The following TBC1D32 variants were observed in gnomAD, a reference collection of about 807,000 sequenced individuals.
TBC1D32 encodes protein broad-minded.
Under a neutral mutation model 170.3 loss-of-function variants are expected in TBC1D32, and 151 were observed. The ratio of observed to expected loss-of-function variants is 0.89; its 90% CI spans 0.78 to 1.01. The LOEUF is 1.01. TBC1D32 is among the 50% of genes least tolerant of loss of function. The pLI is 0.00. For missense variants in TBC1D32, 1,464 were observed against 1,457.1 expected (o/e 1.00, Z -0.08); for synonymous variants, 498 against 488.0 (o/e 1.02, Z -0.27).
Position 121,281,611 on chromosome 6 carries a change from C to G in TBC1D32, c.1541G>C (p.Cys514Ser). 6.2e-7 allele frequency: 1 copy of G among 1,607,300 alleles called. No homozygotes were observed. Among genetic ancestry groups the G allele is most frequent in the African/African-American group, 1.3e-5 (1 of 74,722 alleles). Residue 514 changes from cysteine to serine, a missense_variant, in exon 14 of 32, where the codon TGC (cysteine) becomes TCC (serine). Physicochemically the swap from Cys to Ser is moderately radical, Grantham distance 112. Transcript: ENST00000398212. ...LSDQKECAVE[C>S]LYNNIVIETL... Reference sequence around the variant, plus strand: ...CTCTATTACAATGTTGTTATATAAGCATTCCACTGCACATTCTTTTTGATC... The same window carrying G: ...CTCTATTACAATGTTGTTATATAAGGATTCCACTGCACATTCTTTTTGATC...
intron 27 of TBC1D32, 49 bp from the exon 28 acceptor site, chr6:121,113,226 A>G (rs764351875): frequency 1.6e-6 from 2 of 1,249,410 alleles, no homozygotes; most frequent in Admixed American, 4.4e-5. Context: ...CTTGCATTGA[A>G]TGTTTTAAAA....
chr6:121,287,129 C>A (rs556690768), intron 12 of TBC1D32, among the ~76,000 whole-genome samples: 1 of 152,250 alleles, frequency 6.6e-6, no homozygotes, highest in South Asian at 2.1e-4. Flanking sequence ...ATCATAATGA[C>A]AGGATCAAAT....
At chr6:121,238,627 C>A (rs1796595655) in intron 20 of TBC1D32, among the ~76,000 whole-genome samples, 1 of 152,116 alleles carries the variant, frequency 6.6e-6, no homozygotes, top group African/African-American at 2.4e-5. Flanking sequence ...TGTGACCTCA[C>A]TCTAAATGAT....
At chr6:121,197,105 T>A (rs1480796897) in intron 22 of TBC1D32, among the ~76,000 whole-genome samples, 1 of 152,208 alleles carries the variant, frequency 6.6e-6, no homozygotes, top group Non-Finnish European at 1.5e-5. Flanking sequence ...AGAAGGGAGT[T>A]ACAGTGTTCA....
intron 25 of TBC1D32, among the ~76,000 whole-genome samples, chr6:121,126,679 C>T (rs1341550257): frequency 1.3e-5 from 2 of 151,728 alleles, no homozygotes; most frequent in Non-Finnish European, 2.9e-5. Flanking sequence ...CAATATAAAA[C>T]TGAAAAAGGA....
Position 121,256,181 on chromosome 6 carries a change from A to C in TBC1D32, c.1838T>G (p.Phe613Cys). 2 of 1,614,044 alleles carry C rather than the reference A, an allele frequency of 1.2e-6. No individual in the cohort carries two copies. Among genetic ancestry groups the C allele is most frequent in the Non-Finnish European group, 1.7e-6 (2 of 1,179,950 alleles). ...SEMLPVVKGA[F>C]ISVCRHIYST... ...ATATATGTGACGACACACAGAAATA[A>C]AAGCTCCTTTAACCACAGGCAACAT... Residue 613 changes from phenylalanine to cysteine, a missense_variant, in exon 16 of 32, where the codon TTT (phenylalanine) becomes TGT (cysteine). Coordinates refer to ENST00000398212, the MANE Select transcript of TBC1D32 (RefSeq NM_152730.6).
At chr6:121,204,111 T>C (rs1791930728) in intron 22 of TBC1D32, among the ~76,000 whole-genome samples, 1 of 151,238 alleles carries the variant, frequency 6.6e-6, no homozygotes, top group South Asian at 2.1e-4. Context: ...CTGTAGTTTT[T>C]CCTAGTTTCC....
intron 3 of TBC1D32, among the ~76,000 whole-genome samples, chr6:121,313,274 AT>A (rs1164149264): frequency 0.066 from 8,304 of 125,468 alleles, 294 homozygotes; most frequent in African/African-American, 0.11. Context: ...CCTGGCCTTA[AT>A]TTTTTTTTTT....
In TBC1D32 at chr6:121,131,617, A is replaced by C; in HGVS notation, c.2899+10T>G. 1.2e-6 allele frequency: 2 copies of C among 1,600,176 alleles called. No homozygotes were observed. Among genetic ancestry groups the C allele is most frequent in the African/African-American group, 1.3e-5 (1 of 74,706 alleles). The stretch of plus-strand genomic sequence containing the variant: ...CATAAGAAAACCCACAATGGAAACA[A>C]TGTACTTACCCTCTCCACTGATTAT... On this transcript the variant is annotated intron_variant, in intron 25 of 31. Coordinates refer to ENST00000398212, the MANE Select transcript of TBC1D32 (RefSeq NM_152730.6).
At chr6:121,288,179 A>T (rs1184569548) in intron 12 of TBC1D32, among the ~76,000 whole-genome samples, 2 of 152,238 alleles carry the variant, frequency 1.3e-5, no homozygotes, top group African/African-American at 4.8e-5. Flanking sequence ...AAATAAAGAC[A>T]CAAAAAACTC....
intron 15 of TBC1D32, among the ~76,000 whole-genome samples, chr6:121,275,798 G>A (rs1802127038): frequency 6.6e-6 from 1 of 152,058 alleles, no homozygotes; most frequent in Non-Finnish European, 1.5e-5. Context: ...TAAAGCATTT[G>A]ATAACCCATA....
At position 121,223,279 on chromosome 6, in the gene TBC1D32, T is replaced by C. The variant is rs1794718314; in HGVS notation, c.2438A>G (p.Asn813Ser). Residue 813 changes from asparagine (N) to serine (S), a missense_variant, in exon 21 of 32, where the codon AAT becomes AGT. Transcript: ENST00000398212. Reference sequence around the variant, plus strand: ...TTCACGAAGAGAATATTCTGTTTTATTAGGAAGATCTTGATTCCTTACAAG... The same window carrying C: ...TTCACGAAGAGAATATTCTGTTTTACTAGGAAGATCTTGATTCCTTACAAG... The part of the protein sequence containing the change: ...YELVRNQDLP[N>S]KTEYSLREVP... 7.5e-6 allele frequency: 12 copies of C among 1,592,874 alleles called. No individual in the cohort carries two copies. The highest frequency in any genetic ancestry group is 9.4e-6 in the Non-Finnish European group (11 of 1,172,964).
At position 121,255,364 on chromosome 6, in the gene TBC1D32, T is replaced by A. The variant is rs753329266; in HGVS notation, c.1982A>T (p.Asp661Val). 63 of 1,553,406 alleles carry A rather than the reference T, an allele frequency of 4.1e-5. 2 individuals carry two copies. The Admixed American group carries it at 1.1e-3, about 26-fold the overall frequency. ...ERIPTPVEGS[D>V]SVSSVSQESQ... ...TTCCTGGCTTACTGAAGAAACAGAA[T>A]CAGAACCCTCTACTGGAGTAGGAAT... Residue 661 changes from aspartate to valine, a missense_variant, in exon 17 of 32, where the codon GAT becomes GTT. Asp to Val is a radical substitution (Grantham distance 152). Transcript: ENST00000398212.
At chr6:121,176,506 C>T (rs1787778552) in intron 22 of TBC1D32, among the ~76,000 whole-genome samples, 1 of 152,120 alleles carries the variant, frequency 6.6e-6, no homozygotes, top group Non-Finnish European at 1.5e-5. Context: ...TGGACAATTC[C>T]ACACCATGTT....
At chr6:121,299,866 T>A (rs551175327) in intron 9 of TBC1D32, among the ~76,000 whole-genome samples, 16 of 152,044 alleles carry the variant, frequency 1.1e-4, no homozygotes, top group Admixed American at 2.6e-4. Flanking sequence ...AAAGCACAAC[T>A]CTTATACTGA....
intron 24 of TBC1D32, among the ~76,000 whole-genome samples, chr6:121,156,704 T>A (rs1295286606): frequency 1.3e-5 from 2 of 148,750 alleles, no homozygotes; most frequent in African/African-American, 4.9e-5. Flanking sequence ...AAGATGTTAG[T>A]AAGTTGCATC....
At chr6:121,113,216 C>A in intron 27 of TBC1D32, 39 bp from the exon 28 acceptor site, 2 of 1,360,604 alleles carry the variant, frequency 1.5e-6, no homozygotes, top group Non-Finnish European at 2.1e-6. Flanking sequence ...CATATCAGGT[C>A]TTGCATTGAA....
Position 121,113,075 on chromosome 6 carries a change from T to C in TBC1D32, c.3156A>G (p.Ile1052Met). ...ERFLKQQQTS[I>M]KSSLLCLQGN... ...CAAAAAGGATATGAAGAGAAGATTT[T>C]ATGGAAGTTTGCTGCTGTTTCAGGA... Residue 1052 changes from isoleucine (I) to methionine (M), a missense_variant, in exon 28 of 32, where the codon ATA (isoleucine) becomes ATG (methionine). Coordinates refer to ENST00000398212, the MANE Select transcript of TBC1D32 (RefSeq NM_152730.6). 6.2e-7 allele frequency: 1 copy of C among 1,607,592 alleles called. No individual in the cohort carries two copies. Among genetic ancestry groups the C allele is most frequent in the Non-Finnish European group, 8.5e-7 (1 of 1,177,802 alleles).
chr6:121,147,918 C>CT (rs35019014), intron 24 of TBC1D32, among the ~76,000 whole-genome samples: 8,996 of 136,666 alleles, frequency 0.066, 482 homozygotes, highest in East Asian at 0.13. Context: ...ACTTGTATGT[C>CT]TTTTTTTTTT....
Sources: allele counts gnomAD v4.1 joint callset (sites outside exome capture counted in the v4.1 genomes callset), GRCh38; gene constraint gnomAD v4.1.1; transcripts MANE v1.5; gene names NCBI Gene and HGNC (gene_info 2026-07-23, HGNC 2026-07-21).